DGKG: variants seen among roughly 807,000 people sequenced by gnomAD.
DGKG encodes DAG kinase gamma.
A neutral mutation model predicts 105.3 loss-of-function variants in DGKG; 78 were observed. That is an observed-to-expected ratio of 0.74 (90% CI 0.62 to 0.89). The LOEUF (loss-of-function observed/expected upper bound fraction) is 0.89, where lower values mean the gene tolerates loss of function less well. Ranked by LOEUF, DGKG falls within the 40% of genes least tolerant of loss-of-function variation. DGKG has a pLI of 0.00. For synonymous variants in DGKG, 346 were observed against 367.1 expected (o/e 0.94, Z 0.66); for missense variants, 958 against 1,020.1 (o/e 0.94, Z 0.83).
At chr3:186,320,028 A>G (rs1725004665) in intron 2 of DGKG, among the ~76,000 whole-genome samples, 1 of 152,214 alleles carries the variant, frequency 6.6e-6, no homozygotes, top group African/African-American at 2.4e-5. Context: ...AATACATACG[A>G]TATATTAGGC....
intron 1 of DGKG, among the ~76,000 whole-genome samples, chr3:186,359,735 C>T (rs532349195): frequency 5.8e-4 from 88 of 152,158 alleles, no homozygotes; most frequent in African/African-American, 2.0e-3. Context: ...TGTATAATTT[C>T]GAGGCATAAA....
At chr3:186,328,583 T>G (rs541845752) in intron 1 of DGKG, among the ~76,000 whole-genome samples, 2 of 151,804 alleles carry the variant, frequency 1.3e-5, no homozygotes, top group East Asian at 3.9e-4. Context: ...TTCTTTTTTT[T>G]TTTTTTTCTT....
At chr3:186,335,007 TG>T (rs1725763165) in intron 1 of DGKG, among the ~76,000 whole-genome samples, 2 of 152,234 alleles carry the variant, frequency 1.3e-5, no homozygotes, top group Non-Finnish European at 2.9e-5. Context: ...TGATGGGGTT[TG>T]GAAACCAGAA....
intron 21 of DGKG, among the ~76,000 whole-genome samples, chr3:186,193,315 A>T (rs938729063): frequency 6.6e-6 from 1 of 152,102 alleles, no homozygotes; most frequent in Non-Finnish European, 1.5e-5. Flanking sequence ...TACCCCTCTG[A>T]GGTTTAATTT....
chr3:186,334,160 A>G (rs1304744583), intron 1 of DGKG, among the ~76,000 whole-genome samples: 2 of 152,184 alleles, frequency 1.3e-5, no homozygotes, highest in African/African-American at 4.8e-5. Flanking sequence ...TATCTGTTCT[A>G]TATTAATGCA....
At chr3:186,236,796 GC>G (rs1420704275) in intron 20 of DGKG, among the ~76,000 whole-genome samples, 1 of 152,228 alleles carries the variant, frequency 6.6e-6, no homozygotes, top group Non-Finnish European at 1.5e-5. Context: ...CCTCTGAAGG[GC>G]CTAACAGGAA....
chr3:186,151,498 G>A (rs2108466720), intron 24 of DGKG, among the ~76,000 whole-genome samples: 1 of 152,302 alleles, frequency 6.6e-6, no homozygotes, highest in Admixed American at 6.5e-5. Flanking sequence ...GGAAGGAAAG[G>A]AAATGTGTTG....
intron 17 of DGKG, among the ~76,000 whole-genome samples, chr3:186,255,563 G>C (rs1721426164): frequency 6.6e-6 from 1 of 152,222 alleles, no homozygotes; most frequent in Non-Finnish European, 1.5e-5. Context: ...AAGGGAGACT[G>C]GAACGCCCAG....
At chr3:186,317,548 C>A (rs1177827024) in intron 2 of DGKG, among the ~76,000 whole-genome samples, 3 of 152,184 alleles carry the variant, frequency 2.0e-5, no homozygotes, top group Non-Finnish European at 2.9e-5. Flanking sequence ...TGGGCTCCAG[C>A]CTGGGAGCTG....
intron 21 of DGKG, among the ~76,000 whole-genome samples, chr3:186,197,836 C>A (rs549928643): frequency 6.6e-6 from 1 of 152,190 alleles, no homozygotes; most frequent in Non-Finnish European, 1.5e-5. Flanking sequence ...CTTTTATGCC[C>A]GTTAACATAC....
rs540737025 is a variant in DGKG, at chr3:186,256,894, C to T, written c.1510+960G>A. 2.0e-5 allele frequency among the ~76,000 whole-genome samples: 3 copies of T among 152,316 alleles called. No individual in the cohort carries two copies. The East Asian group carries it at 5.8e-4, about 29-fold the overall frequency. Reference sequence around the variant, plus strand: ...GATTGCAGCCTTGAGCTCCCTGTGCCCCTTCCCTGCTGTACTTTAAACACT... The same window carrying T: ...GATTGCAGCCTTGAGCTCCCTGTGCTCCTTCCCTGCTGTACTTTAAACACT... On this transcript the variant is annotated intron_variant, in intron 17 of 24. Transcript: ENST00000265022.
intron 20 of DGKG, among the ~76,000 whole-genome samples, chr3:186,222,705 G>A (rs1018865995): frequency 4.6e-5 from 7 of 151,496 alleles, no homozygotes; most frequent in Non-Finnish European, 8.8e-5. Flanking sequence ...TAGGCCAGGC[G>A]CAGTGGGTCA....
chr3:186,211,234 A>G (rs1719025106), intron 21 of DGKG, among the ~76,000 whole-genome samples: 1 of 152,208 alleles, frequency 6.6e-6, no homozygotes, highest in African/African-American at 2.4e-5. Flanking sequence ...CATAGGATGA[A>G]ATCAAGGGCC....
chr3:186,348,768 C>T (rs1726485480), intron 1 of DGKG, among the ~76,000 whole-genome samples: 1 of 152,160 alleles, frequency 6.6e-6, no homozygotes, highest in African/African-American at 2.4e-5. Flanking sequence ...ATCTTACTAC[C>T]CCCAAATTCC....
intron 10 of DGKG, 82 bp downstream of exon 10, chr3:186,275,465 C>T: frequency 8.2e-7 from 1 of 1,225,450 alleles, no homozygotes; most frequent in East Asian, 2.4e-5. Flanking sequence ...GAAATACCAA[C>T]ATTTTCTCTG....
chr3:186,161,545 C>A (rs1053346645), intron 24 of DGKG, 58 bp downstream of exon 24: 18 of 1,613,092 alleles, frequency 1.1e-5, no homozygotes, highest in Non-Finnish European at 1.4e-5. Flanking sequence ...AAGTCAGTGC[C>A]CAAAAGGGCT....
At chr3:186,331,083 T>C (rs923000780) in intron 1 of DGKG, among the ~76,000 whole-genome samples, 3 of 152,208 alleles carry the variant, frequency 2.0e-5, no homozygotes, top group Admixed American at 1.3e-4. Flanking sequence ...TCGATGCAAA[T>C]ATGTATCACT....
In DGKG at chr3:186,298,055, T is replaced by C. The variant is rs774755753; in HGVS notation, c.310+9A>G. On this transcript the variant is annotated intron_variant, in intron 4 of 24. Coordinates refer to ENST00000265022, the MANE Select transcript of DGKG (RefSeq NM_001346.3). Reference sequence around the variant, plus strand: ...AAGGTCTTCCCATCTTGGGGAAAGCTCTGTGTACCTGCGCTGTTGGCCTCA... The same window carrying C: ...AAGGTCTTCCCATCTTGGGGAAAGCCCTGTGTACCTGCGCTGTTGGCCTCA... 3 of 1,599,700 alleles carry C rather than the reference T, an allele frequency of 1.9e-6. No individual in the cohort carries two copies. In the Admixed American group the frequency reaches 5.2e-5, roughly 28 times the overall value.
intron 1 of DGKG, among the ~76,000 whole-genome samples, chr3:186,350,479 C>A (rs1354059205): frequency 6.6e-6 from 1 of 152,142 alleles, no homozygotes; most frequent in African/African-American, 2.4e-5. Flanking sequence ...TTTTGTTTAT[C>A]CAGTCATCCA....
Sources: gnomAD v4.1 joint callset for allele counts (sites outside exome capture counted in the v4.1 genomes callset) on GRCh38, gnomAD v4.1.1 for gene constraint, MANE v1.5 for transcripts, NCBI Gene and HGNC (gene_info 2026-07-23, HGNC 2026-07-21) for gene names.